MTMR3: variants seen among roughly 807,000 people sequenced by gnomAD.
MTMR3 encodes phosphatidylinositol-3,5-bisphosphate 3-phosphatase MTMR3.
MTMR3 carries 32 observed loss-of-function variants against 132.4 expected under a neutral mutation model. The observed-to-expected ratio is 0.24, with a 90% CI of 0.18 to 0.32. The LOEUF is 0.32. Ranked by LOEUF, MTMR3 falls within the 10% of genes least tolerant of loss-of-function variation. MTMR3 has a pLI of 1.00. For missense variants in MTMR3, 1,216 were observed against 1,489.6 expected, an observed-to-expected ratio of 0.82 and a Z score of 3.02; for synonymous variants, 556 against 550.3, an observed-to-expected ratio of 1.01 and a Z score of -0.14.
At chr22:29,931,429 G>A (rs1044812295) in intron 1 of MTMR3, among the ~76,000 whole-genome samples, 27 of 151,964 alleles carry the variant, frequency 1.8e-4, no homozygotes, top group African/African-American at 6.5e-4. Context: ...GTTTTATTTT[G>A]TTTTGTTTTT....
intron 3 of MTMR3, among the ~76,000 whole-genome samples, chr22:29,972,055 C>T (rs895360092): frequency 6.6e-6 from 1 of 152,188 alleles, no homozygotes. Flanking sequence ...AGAAAGGTAA[C>T]TGCCCTTATC....
chr22:29,884,580 T>TA (rs1555890360), intron 1 of MTMR3, among the ~76,000 whole-genome samples: 3,825 of 77,434 alleles, frequency 0.049, 337 homozygotes, highest in African/African-American at 0.16. Context: ...TTTTTTTTTT[T>TA]AAGACAGAAT....
At chr22:29,898,794 T>C (rs13058248) in intron 1 of MTMR3, among the ~76,000 whole-genome samples, 1 of 152,288 alleles carries the variant, frequency 6.6e-6, no homozygotes, top group African/African-American at 2.4e-5. Context: ...TTACCCAATG[T>C]TTAGTTTAGA....
At chr22:29,923,457 G>A (rs2065459588) in intron 1 of MTMR3, among the ~76,000 whole-genome samples, 1 of 151,964 alleles carries the variant, frequency 6.6e-6, no homozygotes, top group East Asian at 1.9e-4. Flanking sequence ...TGCCACCTTG[G>A]CCTCCCAAAG....
rs778781628 is a variant in MTMR3, at chr22:29,988,559, T to C, written c.290T>C (p.Ile97Thr). The C allele has an allele frequency of 6.2e-7, 1 of 1,609,644 alleles. No individual in the cohort carries two copies. Among genetic ancestry groups the C allele is most frequent in the Non-Finnish European group, 8.5e-7 (1 of 1,176,612 alleles). The change falls in exon 6 of 20, where the codon ATC becomes ACC. Residue 97 changes from isoleucine (I) to threonine (T), a missense_variant. Around this residue, in one of 7 missense-constraint regions of MTMR3, gnomAD observed 129 missense variants for 245.7 expected, o/e 0.53. Transcript: ENST00000401950. Reference sequence around the variant, plus strand: ...TTGACTTGCAAAGACTGCAAAGTTATCAGGTATGTGGTATGGTATGTTTGT... The same window carrying C: ...TTGACTTGCAAAGACTGCAAAGTTACCAGGTATGTGGTATGGTATGTTTGT... Reference protein sequence around the residue: ...LHLTCKDCKVIRCQFSTFEQC... With the variant: ...LHLTCKDCKVTRCQFSTFEQC...
chr22:29,900,206 A>G (rs1340902741), intron 1 of MTMR3, among the ~76,000 whole-genome samples: 2 of 152,136 alleles, frequency 1.3e-5, no homozygotes, highest in Non-Finnish European at 2.9e-5. Flanking sequence ...AATTCTGGAG[A>G]GGACAAAGTT....
intron 7 of MTMR3, chr22:29,993,305 AT>A (rs1345897247): frequency 6.6e-6 from 1 of 151,864 alleles, no homozygotes; most frequent in Non-Finnish European, 1.5e-5. Context: ...ACATTTTTTC[AT>A]TTTTTATGGC....
chr22:29,889,496 A>G (rs1327941219), intron 1 of MTMR3, among the ~76,000 whole-genome samples: 1 of 151,884 alleles, frequency 6.6e-6, no homozygotes, highest in East Asian at 1.9e-4. Flanking sequence ...CATGTTGGCC[A>G]GGCTGGTTTC....
At chr22:29,960,389 A>G (rs930247075) in intron 2 of MTMR3, among the ~76,000 whole-genome samples, 9 of 152,226 alleles carry the variant, frequency 5.9e-5, no homozygotes, top group Middle Eastern at 3.2e-3. Context: ...TAGGAAATAC[A>G]TACTGAAGTA....
chr22:29,904,609 A>G (rs2065060968), intron 1 of MTMR3, among the ~76,000 whole-genome samples: 1 of 152,228 alleles, frequency 6.6e-6, no homozygotes, highest in Admixed American at 6.5e-5. Context: ...AATAGTAAGC[A>G]CTCAGTATTT....
At chr22:29,955,092 C>T (rs1284024819) in intron 1 of MTMR3, among the ~76,000 whole-genome samples, 1 of 152,076 alleles carries the variant, frequency 6.6e-6, no homozygotes, top group Non-Finnish European at 1.5e-5. Context: ...CGGGCCCAAG[C>T]CATCCTCCCA....
At chr22:29,954,746 A>G (rs1001596587) in intron 1 of MTMR3, among the ~76,000 whole-genome samples, 6 of 152,208 alleles carry the variant, frequency 3.9e-5, no homozygotes, top group African/African-American at 1.2e-4. Flanking sequence ...AGCACCATCA[A>G]TTCATTCTTG....
At chr22:29,939,986 C>T (rs1368440732) in intron 1 of MTMR3, among the ~76,000 whole-genome samples, 1 of 152,144 alleles carries the variant, frequency 6.6e-6, no homozygotes, top group Non-Finnish European at 1.5e-5. Flanking sequence ...TATTTCCCTG[C>T]CCTTAAGAAG....
At chr22:29,894,487 T>C (rs137961807) in intron 1 of MTMR3, among the ~76,000 whole-genome samples, 1 of 147,992 alleles carries the variant, frequency 6.8e-6, no homozygotes, top group Non-Finnish European at 1.5e-5. Flanking sequence ...CAGCCCGAAC[T>C]CCCAAGTTCT....
At chr22:29,945,401 A>G (rs958153566) in intron 1 of MTMR3, among the ~76,000 whole-genome samples, 3 of 152,180 alleles carry the variant, frequency 2.0e-5, no homozygotes, top group Non-Finnish European at 2.9e-5. Flanking sequence ...AAGCTTTTGC[A>G]GTAAAAATGT....
intron 1 of MTMR3, among the ~76,000 whole-genome samples, chr22:29,949,205 G>A (rs1001501052): frequency 1.6e-5 from 2 of 128,774 alleles, no homozygotes; most frequent in Non-Finnish European, 3.1e-5. Flanking sequence ...GCGTGCACGC[G>A]CGCCAGGCGT....
Position 30,019,939 on chromosome 22 carries a change from G to C in MTMR3, c.2280G>C (p.Leu760=), listed in dbSNP as rs1200450205. 1.2e-6 allele frequency: 2 copies of C among 1,614,240 alleles called. No homozygotes were observed. The highest frequency in any genetic ancestry group is 1.7e-6 in the Non-Finnish European group (2 of 1,180,042). Residue 760 remains leucine, a synonymous_variant, in exon 17 of 20, where the codon CTG becomes CTC. Transcript: ENST00000401950. Reference sequence around the variant, plus strand: ...GCCATCTGGATATGAGCTGGCCTCTGTTCTCACAGGGCATTTCTGAACAGC... The same window carrying C: ...GCCATCTGGATATGAGCTGGCCTCTCTTCTCACAGGGCATTTCTGAACAGC... ...LRSHLDMSWP[L]FSQGISEQQS...
At chr22:29,991,902 C>T (rs1601387748) in intron 7 of MTMR3, 2 of 373,570 alleles carry the variant, frequency 5.4e-6, no homozygotes, top group East Asian at 8.7e-5. Flanking sequence ...AAAAACAGCT[C>T]AACTATAATA....
rs115910709 is a variant in MTMR3 at position 29,952,473 on chromosome 22, A to G, written c.-137-4563A>G. 4.5e-3 allele frequency among the ~76,000 whole-genome samples: 676 copies of G among 151,638 alleles called. 6 individuals carry two copies. The highest frequency in any genetic ancestry group is 0.015 in the African/African-American group (638 of 41,330). On this transcript the variant is annotated intron_variant, in intron 1 of 19. Coordinates refer to ENST00000401950, the MANE Select transcript of MTMR3 (RefSeq NM_021090.4). ...TGAACCAGGACAATGACAGAATTTT[A>G]TATTTATATTTGTTTTATCTTTTTC...
Sources: gnomAD v4.1 joint callset for allele counts (sites outside exome capture counted in the v4.1 genomes callset) on GRCh38, gnomAD v4.1.1 for gene constraint, gnomAD v4.1.1 regional missense constraint, MANE v1.5 for transcripts, NCBI Gene and HGNC (gene_info 2026-07-23, HGNC 2026-07-21) for gene names.